Variants in ABHD6 observed in about 807,000 individuals in gnomAD.
ABHD6 encodes abhydrolase domain containing 6, acylglycerol lipase, also known as monoacylglycerol lipase ABHD6.
A neutral mutation model predicts 38.8 loss-of-function variants in ABHD6; 33 were observed. That is an observed-to-expected ratio of 0.85 (90% CI 0.64 to 1.14). The LOEUF is 1.14. Among genes scored for constraint, ABHD6 ranks in the 50% most tolerant of loss-of-function variants. The pLI, the probability that ABHD6 is intolerant of heterozygous loss-of-function variation, is 0.00. For missense variants in ABHD6, 380 were observed against 422.6 expected (o/e 0.90, Z 0.88); for synonymous variants, 147 against 161.6 (o/e 0.91, Z 0.69).
At chr3:58,280,276 C>CT (rs1339433178) in intron 7 of ABHD6, among the ~76,000 whole-genome samples, 4 of 152,078 alleles carry the variant, frequency 2.6e-5, no homozygotes, top group African/African-American at 9.7e-5. Flanking sequence ...TTCTTGGAAG[C>CT]TTTTTTTGTT....
rs193102783 is a variant in ABHD6 at position 58,281,330 on chromosome 3, C to T, written c.682-3755C>T. Among the ~76,000 whole-genome samples the T allele has an allele frequency of 5.6e-4, 85 of 152,316 alleles. No individual in the cohort carries two copies. The East Asian group carries it at 6.7e-3, about 12-fold the overall frequency. ...GACGCCCCTCCCCCAGCCAGGCTGC[C>T]GCCTTGCAGTTCAATCTCAGACTGC... On this transcript the variant is annotated intron_variant, in intron 7 of 9. Transcript: ENST00000478253.
At chr3:58,244,382 C>G (rs1371901581) in intron 1 of ABHD6, among the ~76,000 whole-genome samples, 1 of 152,152 alleles carries the variant, frequency 6.6e-6, no homozygotes, top group Admixed American at 6.5e-5. Context: ...GCAAAAATGG[C>G]TTCTTTATGA....
chr3:58,239,196 A>T (rs1313487030), intron 1 of ABHD6, among the ~76,000 whole-genome samples: 1 of 152,140 alleles, frequency 6.6e-6, no homozygotes, highest in Non-Finnish European at 1.5e-5. Context: ...CATTGTTATA[A>T]TATAGGAAAT....
At chr3:58,268,064 A>G (rs2097442366) in intron 4 of ABHD6, among the ~76,000 whole-genome samples, 1 of 152,226 alleles carries the variant, frequency 6.6e-6, no homozygotes, top group Non-Finnish European at 1.5e-5. Flanking sequence ...AACAGGAGTG[A>G]GACCCTGTCT....
intron 1 of ABHD6, among the ~76,000 whole-genome samples, chr3:58,240,085 A>G (rs961204629): frequency 3.3e-5 from 5 of 151,822 alleles, no homozygotes; most frequent in African/African-American, 9.7e-5. Flanking sequence ...CTGGGAGGTC[A>G]AGGCTGCAGT....
intron 9 of ABHD6, among the ~76,000 whole-genome samples, chr3:58,290,669 G>T (rs953787648): frequency 6.7e-6 from 1 of 150,148 alleles, no homozygotes; most frequent in Non-Finnish European, 1.5e-5. Context: ...AGATGGGGCG[G>T]CTGGGCAGAG....
rs1348113156 is a variant in ABHD6 at position 58,287,505 on chromosome 3, T to C, written c.837+2052T>C. Among the ~76,000 whole-genome samples the C allele has an allele frequency of 6.6e-6, 1 of 152,140 alleles. No individual in the cohort carries two copies. Among genetic ancestry groups the C allele is most frequent in the Non-Finnish European group, 1.5e-5 (1 of 68,026 alleles). The stretch of plus-strand genomic sequence containing the variant: ...TTAGATGAGCCAGGCATGGTGAGGA[T>C]TCACAGCATGGTTTTGTGGACGTGG... On this transcript the variant is annotated intron_variant, in intron 9 of 9. Transcript: ENST00000478253. The surrounding 1 kb of genome is among the most constrained non-coding windows in gnomAD (Gnocchi z 4.7).
At chr3:58,246,087 T>G (rs756638623) in intron 1 of ABHD6, among the ~76,000 whole-genome samples, 5 of 152,182 alleles carry the variant, frequency 3.3e-5, no homozygotes, top group Non-Finnish European at 7.3e-5. Flanking sequence ...CATGTACTCA[T>G]GCTAATTCAG....
intron 9 of ABHD6, among the ~76,000 whole-genome samples, chr3:58,286,028 T>G (rs1208630025): frequency 1.3e-5 from 2 of 148,574 alleles, no homozygotes; most frequent in East Asian, 2.0e-4. Flanking sequence ...TTCTTTTGTT[T>G]TTTTTTTTTT....
rs982720779 is a variant in ABHD6 at position 58,286,513 on chromosome 3, A to G, written c.837+1060A>G. Among the ~76,000 whole-genome samples, 3 of 151,922 alleles carry G rather than the reference A, an allele frequency of 2.0e-5. No homozygotes were observed. In the South Asian group the frequency reaches 6.2e-4, roughly 32 times the overall value. ...TTCTGTAAAGGGCCAGATGGTAAAC[A>G]TTTTCAGCCTTGTGGTCCAGTCTCT... On this transcript the variant is annotated intron_variant, in intron 9 of 9. Coordinates refer to ENST00000478253, the MANE Select transcript of ABHD6 (RefSeq NM_001320126.2).
chr3:58,278,222 G>C (rs1292554088), intron 7 of ABHD6, among the ~76,000 whole-genome samples: 1 of 152,092 alleles, frequency 6.6e-6, no homozygotes, highest in African/African-American at 2.4e-5. Context: ...CTGTAAATCT[G>C]TCTGGTCCTG....
chr3:58,275,077 T>C (rs1399718791), intron 7 of ABHD6, among the ~76,000 whole-genome samples: 11 of 152,216 alleles, frequency 7.2e-5, no homozygotes, highest in Non-Finnish European at 4.4e-5. Context: ...GAACTACCAG[T>C]GGTCATGAGT....
At position 58,244,563 on chromosome 3, in the gene ABHD6, G is replaced by A. The variant is rs373630669; in HGVS notation, c.-90-5315G>A. Among the ~76,000 whole-genome samples the A allele has an allele frequency of 3.4e-4, 52 of 152,192 alleles. No homozygotes were observed. The East Asian group carries it at 7.0e-3, about 20-fold the overall frequency. Reference sequence around the variant, plus strand: ...GAGGATTGCTTGAGGCCAGGGGTTCGAGAACAGCCTGGGTAACATAGAGAG... The same window carrying A: ...GAGGATTGCTTGAGGCCAGGGGTTCAAGAACAGCCTGGGTAACATAGAGAG... On this transcript the variant is annotated intron_variant, in intron 1 of 9. Transcript: ENST00000478253.
rs116494483 is a variant in ABHD6 at position 58,270,110 on chromosome 3, C to T, written c.390+676C>T. On this transcript the variant is annotated intron_variant, in intron 5 of 9. Coordinates refer to ENST00000478253, the MANE Select transcript of ABHD6 (RefSeq NM_001320126.2). ...TATCCAATGAATATTTTTTAGAATG[C>T]TGGATAGTTGGGTGGATGGCTGATT... is the stretch of plus-strand genomic sequence containing the variant. Among the ~76,000 whole-genome samples the T allele has an allele frequency of 5.5e-3, 835 of 152,126 alleles. 8 individuals are homozygous for T. Among genetic ancestry groups the T allele is most frequent in the Non-Finnish European group, 9.5e-3 (643 of 68,004 alleles).
chr3:58,243,128 A>G (rs2097424014), intron 1 of ABHD6, among the ~76,000 whole-genome samples: 1 of 152,116 alleles, frequency 6.6e-6, no homozygotes, highest in Non-Finnish European at 1.5e-5. Context: ...TCATTGATGG[A>G]CGTTTGGGTT....
chr3:58,259,158 A>G lies in ABHD6; in HGVS notation c.119+2453A>G, dbSNP rs2097435298. ...TAACCATGGATATGGTCACATACAG[A>G]GGTGTGATTATGTAAAGGTTAATTC... On this transcript the variant is annotated intron_variant, in intron 3 of 9. Transcript: ENST00000478253. This position sits in a 1 kb window ranked among gnomAD's most constrained non-coding sequence, Gnocchi z 4.7. 6.6e-6 allele frequency among the ~76,000 whole-genome samples: 1 copy of G among 152,198 alleles called. No homozygotes were observed.
In ABHD6 at chr3:58,256,290, A is replaced by G. The variant is rs1394589367; in HGVS notation, c.-25-272A>G. 6.6e-6 allele frequency among the ~76,000 whole-genome samples: 1 copy of G among 152,160 alleles called. No individual in the cohort carries two copies. Among genetic ancestry groups the G allele is most frequent in the Non-Finnish European group, 1.5e-5 (1 of 68,020 alleles). On this transcript the variant is annotated intron_variant, in intron 2 of 9. Coordinates refer to ENST00000478253, the MANE Select transcript of ABHD6 (RefSeq NM_001320126.2). This position sits in a 1 kb window ranked among gnomAD's most constrained non-coding sequence, Gnocchi z 4.3. ...TGTCACTGATACATTGACGTTGTCT[A>G]ATACCCAGCCCTTACTCAGATTTTC...
In ABHD6 at chr3:58,271,930, A is replaced by G. The variant is rs567679970; in HGVS notation, c.523+866A>G. On this transcript the variant is annotated intron_variant, in intron 6 of 9. Transcript: ENST00000478253. Reference sequence around the variant, plus strand: ...CAGGTGTGTGCCACCATGCCCAGCTAATTTTTTGCATTTTCAGTAGAGGTG... The same window carrying G: ...CAGGTGTGTGCCACCATGCCCAGCTGATTTTTTGCATTTTCAGTAGAGGTG... Among the ~76,000 whole-genome samples, 5 of 151,876 alleles carry G rather than the reference A, an allele frequency of 3.3e-5. No homozygotes were observed. In the South Asian group the frequency reaches 1.0e-3, roughly 32 times the overall value.
Position 58,273,846 on chromosome 3 carries a change from C to T in ABHD6, c.524-812C>T, listed in dbSNP as rs956250623. Among the ~76,000 whole-genome samples, 8 of 152,066 alleles carry T rather than the reference C, an allele frequency of 5.3e-5. No individual in the cohort carries two copies. Among genetic ancestry groups the T allele is most frequent in the African/African-American group, 1.9e-4 (8 of 41,378 alleles). ...CCGTGGCACATGTATACCTATGTAA[C>T]AAACCTGCACGTTCTGCCCATGTAT... is the stretch of plus-strand genomic sequence containing the variant. On this transcript the variant is annotated intron_variant, in intron 6 of 9. Coordinates refer to ENST00000478253, the MANE Select transcript of ABHD6 (RefSeq NM_001320126.2). The surrounding 1 kb of genome is among the most constrained non-coding windows in gnomAD (Gnocchi z 4.8).
Sources: gnomAD v4.1 joint callset for allele counts (sites outside exome capture counted in the v4.1 genomes callset) on GRCh38, gnomAD v4.1.1 for gene constraint, Gnocchi (gnomAD v3.1) non-coding constraint, MANE v1.5 for transcripts, NCBI Gene and HGNC (gene_info 2026-07-23, HGNC 2026-07-21) for gene names.